The following PTK2 variants were observed in gnomAD, a reference collection of about 807,000 sequenced individuals.
The protein encoded by PTK2 is protein tyrosine kinase 2.
Under a neutral mutation model 150.1 loss-of-function variants are expected in PTK2, and 45 were observed. The observed-to-expected ratio is 0.30, with a 90% confidence interval of 0.24 to 0.38. The LOEUF (loss-of-function observed/expected upper bound fraction) is 0.38. Among genes scored for constraint, PTK2 ranks in the 10% least tolerant of loss-of-function variants. PTK2 has a pLI of 1.00. For synonymous variants in PTK2, 432 were observed against 449.2 expected, an observed-to-expected ratio of 0.96 and a Z score of 0.48; for missense variants, 919 against 1,307.3, an observed-to-expected ratio of 0.70 and a Z score of 4.58.
At chr8:140,804,518 C>A (rs1407719590) in intron 10 of PTK2, among the ~76,000 whole-genome samples, 2 of 152,076 alleles carry the variant, frequency 1.3e-5, no homozygotes, top group Non-Finnish European at 2.9e-5. Flanking sequence ...CTAGCTTGGG[C>A]AACTCAGTGA....
chr8:140,711,721 T>C (rs2100036981), intron 23 of PTK2, among the ~76,000 whole-genome samples: 1 of 152,222 alleles, frequency 6.6e-6, no homozygotes, highest in Admixed American at 6.5e-5. Context: ...GCTGTATTCA[T>C]GGTGAGTCCA....
intron 8 of PTK2, among the ~76,000 whole-genome samples, chr8:140,826,761 T>C (rs2100111994): frequency 6.6e-6 from 1 of 151,510 alleles, no homozygotes; most frequent in Admixed American, 6.6e-5. Flanking sequence ...CAGAAAAAAA[T>C]ACAAAAATTA....
chr8:140,710,858 T>C (rs1403926266), intron 23 of PTK2, among the ~76,000 whole-genome samples: 6 of 152,186 alleles, frequency 3.9e-5, no homozygotes, highest in African/African-American at 7.2e-5. Context: ...ACAATTGGCA[T>C]TAAGGTAGAG....
At chr8:140,717,029 C>G (rs375865858) in intron 23 of PTK2, among the ~76,000 whole-genome samples, 1 of 152,180 alleles carries the variant, frequency 6.6e-6, no homozygotes, top group East Asian at 1.9e-4. Context: ...AGGATAAGAA[C>G]ATAAGCGGGC....
intron 29 of PTK2, among the ~76,000 whole-genome samples, chr8:140,673,368 G>A (rs995996832): frequency 1.3e-4 from 19 of 151,818 alleles, no homozygotes; most frequent in East Asian, 3.9e-4. Context: ...TTGGCCTCCC[G>A]AAATGCTGGG....
At chr8:140,697,867 T>G (rs1371264823) in intron 26 of PTK2, among the ~76,000 whole-genome samples, 57 of 138,056 alleles carry the variant, frequency 4.1e-4, no homozygotes, top group African/African-American at 1.2e-3. Flanking sequence ...TTTTTTTTTT[T>G]TTTTTTTTTT....
At chr8:140,989,298 G>C (rs561428697) in intron 1 of PTK2, among the ~76,000 whole-genome samples, 2 of 151,466 alleles carry the variant, frequency 1.3e-5, no homozygotes, top group African/African-American at 4.8e-5. Context: ...GGAGGCTGAG[G>C]GAGGAGGATT....
chr8:140,705,120 G>A (rs1325560540), intron 24 of PTK2, among the ~76,000 whole-genome samples: 1 of 152,158 alleles, frequency 6.6e-6, no homozygotes, highest in East Asian at 1.9e-4. Context: ...CTGGCGGCTA[G>A]ATAAAGAGGC....
At chr8:140,914,101 A>G (rs2100164251) in intron 2 of PTK2, among the ~76,000 whole-genome samples, 1 of 152,210 alleles carries the variant, frequency 6.6e-6, no homozygotes, top group Non-Finnish European at 1.5e-5. Context: ...AAAAATACAA[A>G]TGTATTTTAG....
chr8:140,743,350 G>A lies in PTK2; in HGVS notation c.1635-20C>T. 6.3e-7 allele frequency: 1 copy of A among 1,582,322 alleles called. No individual in the cohort carries two copies. The highest frequency in any genetic ancestry group is 8.7e-7 in the Non-Finnish European group (1 of 1,153,398). ...ATGTCCCTGATAAAGAAGAATTTGA[G>A]ACAATAAGACTTAAAATAAGAAAAA... is the stretch of plus-strand genomic sequence containing the variant. On this transcript the variant is annotated intron_variant, in intron 19 of 31. Coordinates refer to ENST00000522684, the Ensembl canonical transcript of PTK2.
intron 8 of PTK2, chr8:140,822,491 T>G (rs1422871834): frequency 1.3e-5 from 2 of 152,118 alleles, no homozygotes; most frequent in African/African-American, 4.8e-5. Context: ...CATATATTAC[T>G]GAGCAAACAG....
chr8:140,980,826 C>A (rs1394020463), intron 1 of PTK2, among the ~76,000 whole-genome samples: 1 of 148,302 alleles, frequency 6.7e-6, no homozygotes, highest in Non-Finnish European at 1.5e-5. Context: ...TCTTGGCTCA[C>A]TGCAACCTCC....
At chr8:140,912,624 C>A (rs1417833746) in intron 2 of PTK2, among the ~76,000 whole-genome samples, 2 of 151,756 alleles carry the variant, frequency 1.3e-5, no homozygotes, top group Admixed American at 6.6e-5. Context: ...AGAAAAAAAA[C>A]CTCTCAGAAA....
intron 4 of PTK2, among the ~76,000 whole-genome samples, chr8:140,872,337 G>A (rs1287088658): frequency 1.3e-5 from 2 of 152,052 alleles, no homozygotes; most frequent in African/African-American, 2.4e-5. Context: ...GAGCCACCAC[G>A]CCTGGCCCGC....
intron 1 of PTK2, among the ~76,000 whole-genome samples, chr8:140,993,522 C>T (rs1397089124): frequency 6.6e-6 from 1 of 152,206 alleles, no homozygotes; most frequent in Non-Finnish European, 1.5e-5. Context: ...CAAGACAACA[C>T]ACATTTTACT....
intron 30 of PTK2, among the ~76,000 whole-genome samples, chr8:140,665,509 T>TC (rs2090113599): frequency 6.6e-6 from 1 of 152,270 alleles, no homozygotes. Context: ...ATCTCAGGCT[T>TC]CATCTATTAG....
chr8:140,771,954 A>AT (rs61154851), intron 14 of PTK2, among the ~76,000 whole-genome samples: 2,433 of 145,410 alleles, frequency 0.017, 27 homozygotes, highest in African/African-American at 0.03. Context: ...TAATTTTTGT[A>AT]TTTTTTTTTT....
chr8:140,717,456 G>T, intron 23 of PTK2, 142 bp downstream of exon 26: 1 of 645,870 alleles, frequency 1.5e-6, no homozygotes, highest in East Asian at 2.8e-5. Context: ...CGAGCAAAAA[G>T]GAAACAATTA....
intron 22 of PTK2, among the ~76,000 whole-genome samples, chr8:140,728,264 G>C (rs186390735): frequency 7.4e-4 from 112 of 152,086 alleles, no homozygotes; most frequent in Admixed American, 6.5e-3. Flanking sequence ...TAAGTGGTGG[G>C]GCCAGGATTC....
Sources: allele counts gnomAD v4.1 joint callset (sites outside exome capture counted in the v4.1 genomes callset), GRCh38; gene constraint gnomAD v4.1.1; transcripts MANE v1.5; gene names NCBI Gene and HGNC (gene_info 2026-07-23, HGNC 2026-07-21).